ENTREP2: variants seen among roughly 807,000 people sequenced by gnomAD.
ENTREP2 encodes protein ENTREP2.
At chr15:29,649,870 G>A in the ENTREP2 span, among the ~76,000 whole-genome samples, 3 of 152,108 alleles carry the variant, frequency 2.0e-5, no homozygotes, top group Non-Finnish European at 2.9e-5. Flanking sequence ...AAAATCTGAG[G>A]TAGAAATTGA....
the ENTREP2 span, among the ~76,000 whole-genome samples, chr15:29,411,100 T>C: frequency 6.6e-6 from 1 of 152,200 alleles, no homozygotes; most frequent in Non-Finnish European, 1.5e-5. Flanking sequence ...TTTATTAATA[T>C]CCCATTCTTC....
chr15:29,520,840 A>C, the ENTREP2 span, among the ~76,000 whole-genome samples: 1 of 152,188 alleles, frequency 6.6e-6, no homozygotes, highest in South Asian at 2.1e-4. Flanking sequence ...CTGTAAAATA[A>C]ATAGGAAGAA....
chr15:29,124,739 C>T, the ENTREP2 span: 41 of 1,550,558 alleles, frequency 2.6e-5, no homozygotes, highest in Middle Eastern at 1.7e-4. Flanking sequence ...GGCTACACGA[C>T]GGCCTGTGTG....
chr15:29,389,250 C>A, the ENTREP2 span, among the ~76,000 whole-genome samples: 1 of 151,936 alleles, frequency 6.6e-6, no homozygotes, highest in East Asian at 1.9e-4. Flanking sequence ...TCACAAACTG[C>A]GAGAAAATAA....
chr15:29,570,960 G>A, the ENTREP2 span, among the ~76,000 whole-genome samples: 1 of 144,588 alleles, frequency 6.9e-6, no homozygotes, highest in African/African-American at 2.5e-5. Context: ...CCGCCCGCCG[G>A]CCGCGCCGCG....
the ENTREP2 span, among the ~76,000 whole-genome samples, chr15:29,577,349 T>TGTGTGTGTGTGTGTGTGTGAGA: frequency 1.4e-5 from 2 of 144,336 alleles, no homozygotes; most frequent in African/African-American, 5.1e-5. Flanking sequence ...TGTGTGTGTG[T>TGTGTGTGTGTGTGTGTGTGAGA]GAGAGAGAGA....
the ENTREP2 span, among the ~76,000 whole-genome samples, chr15:29,529,255 G>A: frequency 6.9e-6 from 1 of 144,316 alleles, no homozygotes; most frequent in East Asian, 2.0e-4. Flanking sequence ...GGGTGTGTGA[G>A]GGTGTGGAGG....
the ENTREP2 span, among the ~76,000 whole-genome samples, chr15:29,185,613 G>C: frequency 6.6e-6 from 1 of 152,156 alleles, no homozygotes; most frequent in Non-Finnish European, 1.5e-5. Flanking sequence ...CCAGGCTGGA[G>C]TGCAGTGGTG....
At chr15:29,555,015 T>A in the ENTREP2 span, among the ~76,000 whole-genome samples, 1 of 152,202 alleles carries the variant, frequency 6.6e-6, no homozygotes, top group South Asian at 2.1e-4. Flanking sequence ...TAAGACTTTT[T>A]AAAAATTACA....
At chr15:29,357,770 C>G in the ENTREP2 span, among the ~76,000 whole-genome samples, 2 of 151,088 alleles carry the variant, frequency 1.3e-5, no homozygotes, top group African/African-American at 2.4e-5. Context: ...ACCCGGGAGG[C>G]GGAGCTTGCA....
the ENTREP2 span, among the ~76,000 whole-genome samples, chr15:29,644,571 G>A: frequency 2.6e-5 from 4 of 152,184 alleles, no homozygotes; most frequent in African/African-American, 9.7e-5. Flanking sequence ...GGGAGGCCGA[G>A]GCGGGTGGAT....
chr15:29,502,095 A>AT, the ENTREP2 span, among the ~76,000 whole-genome samples: 12 of 151,276 alleles, frequency 7.9e-5, no homozygotes, highest in African/African-American at 2.9e-4. Context: ...CTCATCGAGA[A>AT]TTTTTTTTTG....
At chr15:29,591,903 A>C in the ENTREP2 span, among the ~76,000 whole-genome samples, 1 of 136,684 alleles carries the variant, frequency 7.3e-6, no homozygotes, top group Admixed American at 7.6e-5. Flanking sequence ...AGAAGAGAGA[A>C]AACACAGATG....
the ENTREP2 span, among the ~76,000 whole-genome samples, chr15:29,307,191 C>T: frequency 6.6e-6 from 1 of 151,904 alleles, no homozygotes; most frequent in Non-Finnish European, 1.5e-5. Flanking sequence ...GTGTTCTATC[C>T]TTCCTTTTAT....
chr15:29,140,540 C>A, the ENTREP2 span, among the ~76,000 whole-genome samples: 1 of 152,186 alleles, frequency 6.6e-6, no homozygotes, highest in Non-Finnish European at 1.5e-5. Flanking sequence ...CCTAACCCAG[C>A]GCCCCCAAAC....
the ENTREP2 span, among the ~76,000 whole-genome samples, chr15:29,625,480 C>A: frequency 6.6e-6 from 1 of 152,190 alleles, no homozygotes; most frequent in African/African-American, 2.4e-5. Context: ...ACTGCAACCT[C>A]CGCCTCCCAG....
the ENTREP2 span, among the ~76,000 whole-genome samples, chr15:29,451,809 C>A: frequency 0.056 from 8,592 of 152,326 alleles, 321 homozygotes; most frequent in Non-Finnish European, 0.073. Context: ...TGCTCACTGG[C>A]AAGCCTAGCT....
chr15:29,307,042 C>T, the ENTREP2 span, among the ~76,000 whole-genome samples: 1 of 151,914 alleles, frequency 6.6e-6, no homozygotes, highest in Non-Finnish European at 1.5e-5. Flanking sequence ...GCCACTGCAC[C>T]CAGCTGGCAA....
At chr15:29,660,021 C>T in the ENTREP2 span, among the ~76,000 whole-genome samples, 5 of 152,160 alleles carry the variant, frequency 3.3e-5, no homozygotes, top group South Asian at 2.1e-4. Flanking sequence ...AGGCTGGTCT[C>T]GAACTACTGA....
Sources: gnomAD v4.1 joint callset for allele counts (sites outside exome capture counted in the v4.1 genomes callset) on GRCh38, gnomAD v4.1.1 for gene constraint, MANE v1.5 for transcripts, NCBI Gene and HGNC (gene_info 2026-07-23, HGNC 2026-07-21) for gene names.